The following LOXHD1 variants were observed in gnomAD, a reference collection of about 807,000 sequenced individuals.
The protein encoded by LOXHD1 is lipoxygenase homology PLAT domains 1.
In LOXHD1, 205 loss-of-function variants were observed where a neutral mutation model predicts 248.2. That is an observed-to-expected ratio of 0.83 (90% CI 0.74 to 0.93). The LOEUF (loss-of-function observed/expected upper bound fraction) is 0.93. Among genes scored for constraint, LOXHD1 ranks in the 40% least tolerant of loss-of-function variants. The pLI, the probability that LOXHD1 is intolerant of heterozygous loss-of-function variation, is 0.00. For synonymous variants in LOXHD1, 1,113 were observed against 1,162.8 expected, an observed-to-expected ratio of 0.96 and a Z score of 0.87; for missense variants, 2,930 against 2,971.6, an observed-to-expected ratio of 0.99 and a Z score of 0.33.
Position 46,656,884 on chromosome 18 carries a change from C to A in LOXHD1, c.130+20G>T. ...GCAGCCAGCTGCACCACCCGCCCCCCGCAGGCTGGGACCCCGCACCTCTGG... is the reference window on the plus strand; with the variant it reads ...GCAGCCAGCTGCACCACCCGCCCCCAGCAGGCTGGGACCCCGCACCTCTGG... On this transcript the variant is annotated intron_variant, in intron 1 of 40. Transcript: ENST00000642948. 6.5e-7 allele frequency: 1 copy of A among 1,549,946 alleles called. No homozygotes were observed.
chr18:46,557,793 C>A (rs2037403582), intron 20 of LOXHD1: 1 of 1,193,864 alleles, frequency 8.4e-7, no homozygotes, highest in Admixed American at 3.0e-5. Flanking sequence ...TGGATGCCCA[C>A]ATCTGTGGTG....
chr18:46,645,381 C>A (rs2039016165), intron 2 of LOXHD1, among the ~76,000 whole-genome samples: 1 of 152,238 alleles, frequency 6.6e-6, no homozygotes, highest in Non-Finnish European at 1.5e-5. Flanking sequence ...TTACAGGCTG[C>A]ACGGGGCATT....
At chr18:46,655,817 G>T (rs2039173770) in intron 1 of LOXHD1, among the ~76,000 whole-genome samples, 1 of 152,236 alleles carries the variant, frequency 6.6e-6, no homozygotes. Context: ...CTGCAAGCCG[G>T]ACACAGCTGG....
At chr18:46,520,200 C>A (rs879004369) in intron 33 of LOXHD1, 20 of 449,724 alleles carry the variant, frequency 4.4e-5, no homozygotes, top group East Asian at 2.1e-4. Flanking sequence ...GAGTGGCAGG[C>A]CCCCACACTC....
At chr18:46,655,642 A>G (rs2039171246) in intron 1 of LOXHD1, among the ~76,000 whole-genome samples, 1 of 152,018 alleles carries the variant, frequency 6.6e-6, no homozygotes, top group Admixed American at 6.5e-5. Context: ...CCCCCCTTCT[A>G]CCCTTGGAGG....
In LOXHD1 at chr18:46,477,403, G is replaced by T; in HGVS notation, c.*69C>A. On this transcript the variant is annotated 3_prime_UTR_variant, in exon 41 of 41. Transcript: ENST00000642948. ...ATGCTAGAGGCTTTGAAGGGCTGCT[G>T]ACCGCCAAGGTGGAGGGCAGAAATG... The T allele has an allele frequency of 6.6e-7, 1 of 1,525,804 alleles. No homozygotes were observed. Among genetic ancestry groups the T allele is most frequent in the South Asian group, 1.3e-5 (1 of 79,478 alleles). 94.5% of individuals were successfully genotyped at this position (1,525,804 alleles called of 1,614,324 possible). A position where few individuals can be genotyped will look rare whatever the true frequency, so the allele number is the denominator to read the frequency against.
Position 46,524,823 on chromosome 18 carries a change from A to C in LOXHD1, c.4625T>G (p.Val1542Gly). Residue 1542 changes from valine to glycine, a missense_variant, in exon 30 of 41, where the codon GTG becomes GGG. By Grantham distance (109) the Val-to-Gly change is moderately radical. Coordinates refer to ENST00000642948, the MANE Select transcript of LOXHD1 (RefSeq NM_001384474.1). ...DNSKWCADWY[V>G]EKVEIWNDTN... ...GTCATTCCAGATCTCCACCTTCTCC[A>C]CGTACCAGTCTGCGCACCACTTGGA... is the stretch of plus-strand genomic sequence containing the variant. 1 of 1,551,736 alleles carries C rather than the reference A, an allele frequency of 6.4e-7. No homozygotes were observed. Among genetic ancestry groups the C allele is most frequent in the Admixed American group, 2.0e-5 (1 of 51,000 alleles).
At chr18:46,565,788 A>G (rs1337138329) in intron 17 of LOXHD1, among the ~76,000 whole-genome samples, 3 of 152,212 alleles carry the variant, frequency 2.0e-5, no homozygotes, top group African/African-American at 4.8e-5. Flanking sequence ...AAGTCTGTAT[A>G]TGTTCAGTAC....
At chr18:46,492,687 C>T (rs573986341) in intron 37 of LOXHD1, among the ~76,000 whole-genome samples, 1 of 152,322 alleles carries the variant, frequency 6.6e-6, no homozygotes, top group African/African-American at 2.4e-5. Context: ...AAAGTCTCCT[C>T]TTTTAGGGTT....
intron 4 of LOXHD1, among the ~76,000 whole-genome samples, chr18:46,623,932 A>G (rs2038703597): frequency 6.6e-6 from 1 of 152,180 alleles, no homozygotes. Flanking sequence ...ATTCCCGACT[A>G]CAGAAGTCAA....
At chr18:46,619,210 T>C (rs1398321690) in intron 4 of LOXHD1, among the ~76,000 whole-genome samples, 1 of 152,218 alleles carries the variant, frequency 6.6e-6, no homozygotes, top group Admixed American at 6.5e-5. Context: ...ATTTTTTATG[T>C]AGCAGAATCC....
chr18:46,545,623 A>ATTTTTT (rs1555676193), intron 22 of LOXHD1, among the ~76,000 whole-genome samples: 1 of 86,050 alleles, frequency 1.2e-5, no homozygotes, highest in African/African-American at 4.6e-5. Flanking sequence ...CCTCTTGGCC[A>ATTTTTT]TTTCTTTTTT....
intron 4 of LOXHD1, among the ~76,000 whole-genome samples, chr18:46,628,068 T>G (rs542931893): frequency 3.9e-5 from 6 of 152,304 alleles, no homozygotes; most frequent in Admixed American, 1.3e-4. Context: ...TGGAGGAGCA[T>G]GAGCTGGCAC....
At chr18:46,559,273 T>A in intron 20 of LOXHD1, 175 bp downstream of exon 20, 1 of 1,532,796 alleles carries the variant, frequency 6.5e-7, no homozygotes, top group South Asian at 1.2e-5. Flanking sequence ...AATTCTCTCA[T>A]AACCCCTCCA....
intron 1 of LOXHD1, among the ~76,000 whole-genome samples, chr18:46,656,210 G>A (rs529004274): frequency 2.6e-5 from 4 of 152,296 alleles, no homozygotes; most frequent in South Asian, 4.1e-4. Flanking sequence ...GACGTCCACA[G>A]CCTATTGGCA....
chr18:46,564,093 A>AGTGTGT lies in LOXHD1; in HGVS notation c.2438-874_2438-869dup, dbSNP rs57471507. Among the ~76,000 whole-genome samples, 53 of 149,030 alleles carry AGTGTGT rather than the reference A, an allele frequency of 3.6e-4. No homozygotes were observed. The East Asian group carries it at 7.1e-3, about 20-fold the overall frequency. ...AGGCTGGAAGGAGGGGGAGAGAGAG[A>AGTGTGT]GTGTGTGTGTGTGTGTGTGTGTGTG... On this transcript the variant is annotated intron_variant, in intron 17 of 40. Coordinates refer to ENST00000642948, the MANE Select transcript of LOXHD1 (RefSeq NM_001384474.1).
In LOXHD1 at chr18:46,618,286, A is replaced by G; in HGVS notation, c.516T>C (p.Asn172=). Reference sequence around the variant, plus strand: ...CAGTGTATACCTTGACTTCATACTTATTACCTAGGAACAAGGAGAGAGAAA... The same window carrying G: ...CAGTGTATACCTTGACTTCATACTTGTTACCTAGGAACAAGGAGAGAGAAA... The part of the protein sequence containing the change: ...SFNPMDMPRG[N]KYEVKVYTGD... The change falls in exon 5 of 41, where the codon AAT becomes AAC. Residue 172 remains asparagine, a synonymous_variant. Coordinates refer to ENST00000642948, the MANE Select transcript of LOXHD1 (RefSeq NM_001384474.1). 1 of 1,547,956 alleles carries G rather than the reference A, an allele frequency of 6.5e-7. No homozygotes were observed. The highest frequency in any genetic ancestry group is 8.7e-7 in the Non-Finnish European group (1 of 1,143,778).
intron 8 of LOXHD1, 85 bp from the exon 9 acceptor site, chr18:46,594,551 A>G (rs1182939474): frequency 3.4e-6 from 5 of 1,464,364 alleles, no homozygotes; most frequent in Non-Finnish European, 3.7e-6. Flanking sequence ...CCAGCCCCAC[A>G]TTTAGAGACA....
chr18:46,482,558 C>T (rs1304950546), intron 40 of LOXHD1, among the ~76,000 whole-genome samples: 1 of 152,218 alleles, frequency 6.6e-6, no homozygotes, highest in Non-Finnish European at 1.5e-5. Context: ...TTTGTTATGG[C>T]AGTCTGAGCA....
Sources: gnomAD v4.1 joint callset for allele counts (sites outside exome capture counted in the v4.1 genomes callset) on GRCh38, gnomAD v4.1.1 for gene constraint, MANE v1.5 for transcripts, NCBI Gene and HGNC (gene_info 2026-07-23, HGNC 2026-07-21) for gene names.